The following CD163L1 variants were observed in gnomAD, a reference collection of about 807,000 sequenced individuals.
CD163L1 encodes CD163 molecule like 1.
A neutral mutation model predicts 165.4 loss-of-function variants in CD163L1; 124 were observed. That is an observed-to-expected ratio of 0.75 (90% CI 0.65 to 0.87). The LOEUF (loss-of-function observed/expected upper bound fraction) is 0.87. Ranked by LOEUF, CD163L1 falls within the 40% of genes least tolerant of loss-of-function variation. The pLI is 0.00. For missense variants in CD163L1, 1,525 were observed against 1,799.9 expected (o/e 0.85, Z 2.76); for synonymous variants, 585 against 662.2 (o/e 0.88, Z 1.79).
At chr12:7,319,599 A>G in the CD163L1 span, among the ~76,000 whole-genome samples, 2 of 151,638 alleles carry the variant, frequency 1.3e-5, no homozygotes, top group Non-Finnish European at 1.5e-5. Context: ...CAAAAAAAAA[A>G]AAAAAAGAAA....
rs56678924 is a variant in CD163L1 at position 7,368,529 on chromosome 12, C to CTT, written c.4073-334_4073-333dup. 0.05 allele frequency among the ~76,000 whole-genome samples: 6,822 copies of CTT among 137,186 alleles called. 212 individuals carry two copies. Among genetic ancestry groups the CTT allele is most frequent in the East Asian group, 0.13 (609 of 4,728 alleles). 90.0% of individuals were successfully genotyped at this position (137,186 alleles called of 152,430 possible). A position where few individuals can be genotyped will look rare whatever the true frequency, so the allele number is the denominator to read the frequency against. The stretch of plus-strand genomic sequence containing the variant: ...AGGGCTTGAGCTGAGCTGTTTCTTT[C>CTT]TTTTTTTTTTTTTTTTGAGATGGAG... On this transcript the variant is annotated intron_variant, in intron 16 of 19. Coordinates refer to ENST00000313599, the MANE Select transcript of CD163L1 (RefSeq NM_174941.6). This position sits in a 1 kb window ranked among gnomAD's most constrained non-coding sequence, Gnocchi z 4.3.
At chr12:7,443,262 C>A (rs142572081) in intron 1 of CD163L1, among the ~76,000 whole-genome samples, 1 of 152,200 alleles carries the variant, frequency 6.6e-6, no homozygotes, top group African/African-American at 2.4e-5. Flanking sequence ...ATTAAGTTGA[C>A]TTGTAGTAAT....
intron 4 of CD163L1, among the ~76,000 whole-genome samples, chr12:7,426,321 T>G (rs1948542018): frequency 6.6e-6 from 1 of 151,880 alleles, no homozygotes; most frequent in African/African-American, 2.4e-5. Context: ...GGGAGAGCAT[T>G]AGGACGAATA....
chr12:7,328,403 T>C, the CD163L1 span: 6 of 1,485,346 alleles, frequency 4.0e-6, no homozygotes, highest in Admixed American at 6.2e-5. Flanking sequence ...GGTTAAGCAG[T>C]AATATGGTTG....
chr12:7,353,763 T>C (rs1465265366), downstream of CD163L1, among the ~76,000 whole-genome samples: 2 of 152,068 alleles, frequency 1.3e-5, no homozygotes, highest in African/African-American at 4.8e-5. Flanking sequence ...TTCAATATTT[T>C]TTAACATGTA....
intron 19 of CD163L1, among the ~76,000 whole-genome samples, chr12:7,355,658 G>A (rs946204440): frequency 3.9e-5 from 6 of 152,112 alleles, no homozygotes; most frequent in African/African-American, 1.4e-4. Context: ...TCCTCAGGAT[G>A]TGATTGTATT....
the CD163L1 span, chr12:7,323,170 T>C: frequency 1.1e-5 from 16 of 1,415,974 alleles, no homozygotes; most frequent in Non-Finnish European, 1.5e-5. Context: ...TAATTTTCAT[T>C]GCCATGATAT....
At chr12:7,337,815 G>A in the CD163L1 span, among the ~76,000 whole-genome samples, 1 of 152,130 alleles carries the variant, frequency 6.6e-6, no homozygotes, top group Admixed American at 6.5e-5. Flanking sequence ...TCCCATTATT[G>A]GGTGTATACC....
At chr12:7,338,871 A>G in the CD163L1 span, among the ~76,000 whole-genome samples, 3 of 152,216 alleles carry the variant, frequency 2.0e-5, no homozygotes, top group South Asian at 6.2e-4. Context: ...CTCACATCCT[A>G]ATGGTGGTGG....
At chr12:7,327,152 G>C in the CD163L1 span, 1 of 1,495,510 alleles carries the variant, frequency 6.7e-7, no homozygotes, top group African/African-American at 1.4e-5. Context: ...GTCTAAGCTA[G>C]AATTAGATTT....
rs752045465 is a variant in CD163L1 at position 7,374,689 on chromosome 12, G to A, written c.3162C>T (p.Asp1054=). ...CATCACAGATGGTGCCCCAGAAGCC[G>A]TCGTGATAGATCTCTACTCTCCCGG... ...RCAGRVEIYH[D]GFWGTICDDG... The change falls in exon 13 of 20, where the codon GAC becomes GAT. Residue 1054 remains aspartate (D), a synonymous_variant. Transcript: ENST00000313599. The surrounding 1 kb of genome is among the most constrained non-coding windows in gnomAD (Gnocchi z 5.4). 9.9e-6 allele frequency: 16 copies of A among 1,614,118 alleles called. No homozygotes were observed. The highest frequency in any genetic ancestry group is 4.4e-5 in the South Asian group (4 of 91,088).
intron 8 of CD163L1, among the ~76,000 whole-genome samples, chr12:7,386,664 T>C (rs7485194): frequency 0.098 from 14,447 of 148,034 alleles, 1,184 homozygotes; most frequent in African/African-American, 0.21. Context: ...GCAAGGATGA[T>C]TGAACATATG....
chr12:7,431,771 C>G (rs1233463373), intron 4 of CD163L1, among the ~76,000 whole-genome samples: 1 of 152,052 alleles, frequency 6.6e-6, no homozygotes, highest in African/African-American at 2.4e-5. Flanking sequence ...AAAGTGATCC[C>G]TTATTTCTGA....
At chr12:7,442,257 A>C (rs1467378272) in intron 1 of CD163L1, among the ~76,000 whole-genome samples, 2 of 152,198 alleles carry the variant, frequency 1.3e-5, no homozygotes, top group Non-Finnish European at 2.9e-5. Context: ...AGTCAGAGTT[A>C]AACTGAGCAT....
Position 7,432,492 on chromosome 12 carries a change from T to G in CD163L1, c.690A>C (p.Ala230=). Reference sequence around the variant, plus strand: ...ATCCACGATGTCTGCAATTCCAGAGTGCCAACTCATTCCCCTGGCATAAAA... The same window carrying G: ...ATCCACGATGTCTGCAATTCCAGAGGGCCAACTCATTCCCCTGGCATAAAA... ...DDILCQGNEL[A]LWNCRHRGWG... Residue 230 remains alanine (A), a synonymous_variant, in exon 4 of 20, where the codon GCA becomes GCC. Transcript: ENST00000313599. This position sits in a 1 kb window ranked among gnomAD's most constrained non-coding sequence, Gnocchi z 4.2. The G allele has an allele frequency of 1.9e-6, 3 of 1,614,098 alleles. No homozygotes were observed. The highest frequency in any genetic ancestry group is 1.1e-5 in the South Asian group (1 of 91,072).
intron 13 of CD163L1, 124 bp from the exon 14 acceptor site, chr12:7,373,764 C>T (rs1008409302): frequency 2.6e-6 from 2 of 781,728 alleles, no homozygotes; most frequent in South Asian, 2.0e-5. Context: ...TCATAAATCA[C>T]TCTAACATAT....
the CD163L1 span, chr12:7,328,664 T>C: frequency 5.3e-6 from 1 of 187,440 alleles, no homozygotes; most frequent in South Asian, 1.1e-4. Context: ...AAAGTGCACA[T>C]TGAATCTGTA....
chr12:7,361,142 G>T (rs1406561794), intron 18 of CD163L1, among the ~76,000 whole-genome samples: 1 of 152,068 alleles, frequency 6.6e-6, no homozygotes, highest in Non-Finnish European at 1.5e-5. Context: ...TCTGGGATTT[G>T]AGTAGTATAT....
At chr12:7,421,231 A>G (rs1463271837) in intron 4 of CD163L1, among the ~76,000 whole-genome samples, 5 of 133,614 alleles carry the variant, frequency 3.7e-5, no homozygotes, top group East Asian at 4.3e-4. Context: ...ATATATATGT[A>G]TATATACATT....
Sources: gnomAD v4.1 joint callset for allele counts (sites outside exome capture counted in the v4.1 genomes callset) on GRCh38, gnomAD v4.1.1 for gene constraint, Gnocchi (gnomAD v3.1) non-coding constraint, MANE v1.5 for transcripts, NCBI Gene and HGNC (gene_info 2026-07-23, HGNC 2026-07-21) for gene names.